The following HS6ST3 variants were observed in gnomAD, a reference collection of about 807,000 sequenced individuals.
HS6ST3 encodes heparan-sulfate 6-O-sulfotransferase 3.
In HS6ST3, 12 loss-of-function variants were observed where a neutral mutation model predicts 36.7. That is an observed-to-expected ratio of 0.33 (90% CI 0.21 to 0.53). The LOEUF is 0.53. HS6ST3 is among the 20% of genes least tolerant of loss of function. The pLI, the probability that HS6ST3 is intolerant of heterozygous loss-of-function variation, is 0.95. For synonymous variants in HS6ST3, 240 were observed against 257.5 expected (o/e 0.93, Z 0.65); for missense variants, 584 against 640.9 (o/e 0.91, Z 0.96).
chr13:96,377,184 G>A (rs2139444073), intron 1 of HS6ST3, among the ~76,000 whole-genome samples: 1 of 151,472 alleles, frequency 6.6e-6, no homozygotes, highest in South Asian at 2.1e-4. Context: ...AAGCATCATA[G>A]TGAGACCCTG....
chr13:96,733,215 A>G (rs1283110399), intron 1 of HS6ST3, among the ~76,000 whole-genome samples: 1 of 152,196 alleles, frequency 6.6e-6, no homozygotes, highest in Non-Finnish European at 1.5e-5. Context: ...ATTCTGGATC[A>G]TAGAGAAAAA....
In HS6ST3 at chr13:96,184,349, C is replaced by T. The variant is rs151158293; in HGVS notation, c.707+92780C>T. 4.7e-4 allele frequency among the ~76,000 whole-genome samples: 72 copies of T among 151,994 alleles called. 1 individual carries two copies. The East Asian group carries it at 0.011, about 24-fold the overall frequency. On this transcript the variant is annotated intron_variant, in intron 1 of 1. Transcript: ENST00000376705. Reference sequence around the variant, plus strand: ...TCTGTTGTACTTGGAATTTTTTCCTCGCTAACTCAATTATCTCACCTTTTC... The same window carrying T: ...TCTGTTGTACTTGGAATTTTTTCCTTGCTAACTCAATTATCTCACCTTTTC...
At chr13:96,272,688 T>G (rs749062671) in intron 1 of HS6ST3, among the ~76,000 whole-genome samples, 2 of 151,782 alleles carry the variant, frequency 1.3e-5, no homozygotes, top group Non-Finnish European at 2.9e-5. Context: ...AAAGTCAGAG[T>G]TTTCATTGCA....
In HS6ST3 at chr13:96,091,028, C is replaced by G; in HGVS notation, c.166C>G (p.Arg56Gly). 1 of 1,249,522 alleles carries G rather than the reference C, an allele frequency of 8.0e-7. No homozygotes were observed. 77.4% of individuals were successfully genotyped at this position (1,249,522 alleles called of 1,614,324 possible). Residue 56 changes from arginine to glycine, a missense_variant, in exon 1 of 2, where the codon CGC becomes GGC. Around this residue, in one of 3 missense-constraint regions of HS6ST3, gnomAD observed 217 missense variants for 205.4 expected, o/e 1.06. Transcript: ENST00000376705. ...AGPPAVPGPA[R>G]RAQAPPEEWE... ...CCCGCCCGCCGTCCCGGGTCCCGCC[C>G]GCCGGGCTCAGGCGCCGCCGGAGGA...
chr13:96,210,321 G>A (rs1490355154), intron 1 of HS6ST3, among the ~76,000 whole-genome samples: 1 of 152,122 alleles, frequency 6.6e-6, no homozygotes, highest in Non-Finnish European at 1.5e-5. Context: ...GTGATAACTA[G>A]GGAGAGAAGA....
At chr13:96,494,156 A>G (rs1015417679) in intron 1 of HS6ST3, among the ~76,000 whole-genome samples, 3 of 152,006 alleles carry the variant, frequency 2.0e-5, no homozygotes, top group Non-Finnish European at 4.4e-5. Context: ...TCCTTCACCA[A>G]TGATAGACTG....
At chr13:96,671,822 G>GA (rs2056683711) in intron 1 of HS6ST3, among the ~76,000 whole-genome samples, 1 of 152,054 alleles carries the variant, frequency 6.6e-6, no homozygotes, top group Non-Finnish European at 1.5e-5. Context: ...GAGGTAGGAT[G>GA]GGTTAAGACC....
intron 1 of HS6ST3, among the ~76,000 whole-genome samples, chr13:96,183,225 G>C (rs1236048170): frequency 2.0e-5 from 3 of 152,098 alleles, no homozygotes; most frequent in Non-Finnish European, 4.4e-5. Context: ...TCGTATAAAA[G>C]TTGATTTTTC....
At chr13:96,487,665 C>G (rs1165503882) in intron 1 of HS6ST3, among the ~76,000 whole-genome samples, 1 of 152,040 alleles carries the variant, frequency 6.6e-6, no homozygotes, top group Non-Finnish European at 1.5e-5. Context: ...ATCCATATGC[C>G]ATGTCTTCTA....
Position 96,832,991 on chromosome 13 carries a change from G to A in HS6ST3, c.1209G>A (p.Leu403=). The A allele has an allele frequency of 6.2e-7, 1 of 1,614,106 alleles. No individual in the cohort carries two copies. Among genetic ancestry groups the A allele is most frequent in the Non-Finnish European group, 8.5e-7 (1 of 1,180,000 alleles). The change falls in exon 2 of 2, where the codon CTG becomes CTA. Residue 403 remains leucine (L), a synonymous_variant. Coordinates refer to ENST00000376705, the MANE Select transcript of HS6ST3 (RefSeq NM_153456.4). ...ARQRIEDLNF[L]DMQLYEYAKD... ...AACGCATTGAGGATCTAAACTTCCT[G>A]GACATGCAGCTTTACGAGTATGCAA...
chr13:96,167,688 G>T (rs1416457961), intron 1 of HS6ST3, among the ~76,000 whole-genome samples: 2 of 152,182 alleles, frequency 1.3e-5, no homozygotes, highest in Non-Finnish European at 2.9e-5. Context: ...CATTAATCAT[G>T]CTGAATCGTG....
At chr13:96,623,397 C>T (rs534367097) in intron 1 of HS6ST3, among the ~76,000 whole-genome samples, 7 of 151,836 alleles carry the variant, frequency 4.6e-5, no homozygotes, top group Admixed American at 6.6e-5. Flanking sequence ...ACTTTGCTTA[C>T]GAACCCAGTT....
At chr13:96,760,046 A>C (rs1200725906) in intron 1 of HS6ST3, among the ~76,000 whole-genome samples, 1 of 152,066 alleles carries the variant, frequency 6.6e-6, no homozygotes, top group African/African-American at 2.4e-5. Flanking sequence ...TTTCTTAAAA[A>C]TTCAACAATG....
chr13:96,205,536 T>G (rs1376533179), intron 1 of HS6ST3, among the ~76,000 whole-genome samples: 1 of 152,104 alleles, frequency 6.6e-6, no homozygotes, highest in Non-Finnish European at 1.5e-5. Context: ...AAAAAAAACT[T>G]CAGGCCAATA....
Position 96,318,183 on chromosome 13 carries a change from A to G in HS6ST3, c.707+226614A>G, listed in dbSNP as rs183700502. Among the ~76,000 whole-genome samples, 109 of 152,188 alleles carry G rather than the reference A, an allele frequency of 7.2e-4. 2 individuals carry two copies. The highest frequency in any genetic ancestry group is 2.5e-3 in the African/African-American group (104 of 41,528). Reference sequence around the variant, plus strand: ...TCTTCTAGAGTTTTTATAGTTTGAGATCTTACATTTAAATCTTTAGTCCAT... The same window carrying G: ...TCTTCTAGAGTTTTTATAGTTTGAGGTCTTACATTTAAATCTTTAGTCCAT... On this transcript the variant is annotated intron_variant, in intron 1 of 1. Transcript: ENST00000376705.
At chr13:96,441,210 G>T (rs534809580) in intron 1 of HS6ST3, among the ~76,000 whole-genome samples, 1 of 152,044 alleles carries the variant, frequency 6.6e-6, no homozygotes, top group African/African-American at 2.4e-5. Context: ...AATGCTTGTT[G>T]TTTTGAAGCC....
At chr13:96,228,047 A>G (rs2054489611) in intron 1 of HS6ST3, among the ~76,000 whole-genome samples, 1 of 152,178 alleles carries the variant, frequency 6.6e-6, no homozygotes, top group African/African-American at 2.4e-5. Flanking sequence ...TCTTTCTTAG[A>G]AGGTTATCAC....
intron 1 of HS6ST3, among the ~76,000 whole-genome samples, chr13:96,605,719 T>C (rs1419771766): frequency 1.3e-5 from 2 of 151,842 alleles, no homozygotes; most frequent in South Asian, 2.1e-4. Flanking sequence ...TTTCAAATGG[T>C]TCAATATTTT....
chr13:96,663,743 G>A (rs752615141), intron 1 of HS6ST3, among the ~76,000 whole-genome samples: 5 of 152,040 alleles, frequency 3.3e-5, no homozygotes, highest in East Asian at 1.9e-4. Context: ...CAATTCAAAC[G>A]TCCATCAATT....
Sources: allele counts gnomAD v4.1 joint callset (sites outside exome capture counted in the v4.1 genomes callset), GRCh38; gene constraint gnomAD v4.1.1; regional missense constraint gnomAD v4.1.1; transcripts MANE v1.5; gene names NCBI Gene and HGNC (gene_info 2026-07-23, HGNC 2026-07-21).